Variants in KAZN observed in about 807,000 individuals in gnomAD.
KAZN encodes kazrin.
Under a neutral mutation model 87.4 loss-of-function variants are expected in KAZN, and 40 were observed. The ratio of observed to expected loss-of-function variants is 0.46; its 90% CI spans 0.36 to 0.60. KAZN has a LOEUF of 0.60. KAZN is among the 20% of genes least tolerant of loss of function. The pLI is 0.00. For missense variants in KAZN, 898 were observed against 1,073.9 expected, an observed-to-expected ratio of 0.84 and a Z score of 2.29; for synonymous variants, 466 against 458.3, an observed-to-expected ratio of 1.02 and a Z score of -0.22.
chr1:14,755,193 C>A (rs1474686), intron 1 of KAZN, among the ~76,000 whole-genome samples: 83,587 of 151,424 alleles, frequency 0.55, 24,008 homozygotes, highest in African/African-American at 0.67. Flanking sequence ...ACGGAGGTTG[C>A]AGTGAGCCAA....
In KAZN at chr1:14,039,015, C is replaced by A. The variant is rs566628948; in HGVS notation, c.92-141420C>A. On this transcript the variant is annotated intron_variant, in intron 1 of 16. Transcript: ENST00000636203. The stretch of plus-strand genomic sequence containing the variant: ...GCCATTTCTACTAAAAATACACACA[C>A]AAAAAATTAGCTGGGCATGGTGGTG... Among the ~76,000 whole-genome samples the A allele has an allele frequency of 1.8e-4, 27 of 151,882 alleles. 1 individual carries two copies. Among genetic ancestry groups the A allele is most frequent in the East Asian group, 7.8e-4 (4 of 5,158 alleles).
At position 15,077,054 on chromosome 1, in the gene KAZN, CGA is replaced by C. The variant is rs1188556051; in HGVS notation, c.1222+11303_1222+11304del. Among the ~76,000 whole-genome samples, 2 of 152,232 alleles carry C rather than the reference CGA, an allele frequency of 1.3e-5. No individual in the cohort carries two copies. Among genetic ancestry groups the C allele is most frequent in the East Asian group, 3.8e-4 (2 of 5,198 alleles). ...AAGGAAGCAGCTCTGCTCACTCCAGCGAGGCTGCTCGGAGCAATGCCAGCCTG... is the reference window on the plus strand; with the variant it reads ...AAGGAAGCAGCTCTGCTCACTCCAGCGGCTGCTCGGAGCAATGCCAGCCTG... On this transcript the variant is annotated intron_variant, in intron 8 of 14. Coordinates refer to ENST00000376030, the MANE Select transcript of KAZN (RefSeq NM_201628.3). The surrounding 1 kb of genome is among the most constrained non-coding windows in gnomAD (Gnocchi z 4.8).
In KAZN at chr1:15,071,033, T is replaced by C. The variant is rs1033400930; in HGVS notation, c.1222+5280T>C. Among the ~76,000 whole-genome samples the C allele has an allele frequency of 2.0e-5, 3 of 152,136 alleles. 1 individual carries two copies. Among genetic ancestry groups the C allele is most frequent in the South Asian group, 4.1e-4 (2 of 4,836 alleles). ...GAACCTGGTGATAATGAAGAATGAATAGGGAACATGTATCAGCTTATTCTT... is the reference window on the plus strand; with the variant it reads ...GAACCTGGTGATAATGAAGAATGAACAGGGAACATGTATCAGCTTATTCTT... On this transcript the variant is annotated intron_variant, in intron 8 of 14. Coordinates refer to ENST00000376030, the MANE Select transcript of KAZN (RefSeq NM_201628.3).
intron 1 of KAZN, among the ~76,000 whole-genome samples, chr1:14,935,659 A>G (rs571472143): frequency 2.2e-4 from 33 of 151,650 alleles, no homozygotes; most frequent in African/African-American, 7.7e-4. Flanking sequence ...TTCCACTTCT[A>G]TTTTTCCTCT....
At chr1:14,893,619 G>A (rs949637872) in intron 1 of KAZN, among the ~76,000 whole-genome samples, 1 of 152,094 alleles carries the variant, frequency 6.6e-6, no homozygotes. Context: ...GCTGGGGAAG[G>A]AGAGAATTGG....
chr1:14,939,192 G>A (rs1660783572), intron 1 of KAZN, among the ~76,000 whole-genome samples: 1 of 152,058 alleles, frequency 6.6e-6, no homozygotes, highest in Admixed American at 6.5e-5. Context: ...GGCTGGTCTT[G>A]AACACCTGAC....
chr1:14,152,409 A>G (rs1180507716), intron 1 of KAZN, among the ~76,000 whole-genome samples: 1 of 152,154 alleles, frequency 6.6e-6, no homozygotes, highest in Non-Finnish European at 1.5e-5. Context: ...TGATTTTTAG[A>G]TATTACAAAT....
chr1:14,414,269 C>A (rs1025820941), intron 2 of KAZN, among the ~76,000 whole-genome samples: 1 of 147,206 alleles, frequency 6.8e-6, no homozygotes, highest in Non-Finnish European at 1.5e-5. Flanking sequence ...TAAGAATATA[C>A]GGAAAAGACT....
At chr1:14,580,381 A>T (rs1368110659) in intron 2 of KAZN, among the ~76,000 whole-genome samples, 1 of 152,176 alleles carries the variant, frequency 6.6e-6, no homozygotes, top group African/African-American at 2.4e-5. Flanking sequence ...AGGCTGAGGC[A>T]GGAGAATTGC....
At chr1:14,759,177 C>G (rs913591264) in intron 1 of KAZN, among the ~76,000 whole-genome samples, 2 of 152,184 alleles carry the variant, frequency 1.3e-5, no homozygotes, top group African/African-American at 4.8e-5. Flanking sequence ...GCAGCCACGG[C>G]AGGAGCTCGC....
At chr1:13,930,597 C>T (rs1640473065) in intron 1 of KAZN, among the ~76,000 whole-genome samples, 2 of 152,222 alleles carry the variant, frequency 1.3e-5, no homozygotes, top group Middle Eastern at 3.4e-3. Flanking sequence ...AGACACAGAC[C>T]CAGTCCTCAT....
At chr1:14,142,448 G>A (rs540627368) in intron 1 of KAZN, among the ~76,000 whole-genome samples, 1 of 152,172 alleles carries the variant, frequency 6.6e-6, no homozygotes, top group Non-Finnish European at 1.5e-5. Context: ...CTACCTGGGC[G>A]AGCATTTTCT....
At chr1:15,092,052 G>GTTTTTTT (rs1182724737) in intron 8 of KAZN, among the ~76,000 whole-genome samples, 4 of 82,624 alleles carry the variant, frequency 4.8e-5, no homozygotes, top group African/African-American at 2.2e-4. Context: ...CAGAGGTTTT[G>GTTTTTTT]TTTTTTTGTT....
chr1:14,205,884 C>CAAAAAAAACAAAAAAA (rs1646730203), intron 2 of KAZN, among the ~76,000 whole-genome samples: 1 of 35,220 alleles, frequency 2.8e-5, no homozygotes, highest in Non-Finnish European at 4.4e-5. Flanking sequence ...GACACTGTCT[C>CAAAAAAAACAAAAAAA]AAAAAAAAAA....
intron 1 of KAZN, among the ~76,000 whole-genome samples, chr1:14,120,206 A>G (rs1226822912): frequency 6.6e-6 from 1 of 152,192 alleles, no homozygotes; most frequent in Non-Finnish European, 1.5e-5. Flanking sequence ...GGGAGGCCTC[A>G]GGAAACTTAT....
intron 1 of KAZN, among the ~76,000 whole-genome samples, chr1:14,813,960 G>A (rs564331162): frequency 1.2e-4 from 18 of 152,298 alleles, no homozygotes; most frequent in South Asian, 4.1e-4. Context: ...GTTCTGTCCC[G>A]CTGGGATGAG....
chr1:14,173,672 C>T (rs1890588), intron 1 of KAZN, among the ~76,000 whole-genome samples: 4 of 148,174 alleles, frequency 2.7e-5, no homozygotes, highest in African/African-American at 5.0e-5. Flanking sequence ...CGCCCCGCCC[C>T]GCCCAACTTG....
intron 2 of KAZN, among the ~76,000 whole-genome samples, chr1:14,200,058 T>C (rs1646607292): frequency 6.6e-6 from 1 of 152,078 alleles, no homozygotes; most frequent in African/African-American, 2.4e-5. Context: ...TGTTTAACTT[T>C]TCTTTGATGC....
intron 1 of KAZN, among the ~76,000 whole-genome samples, chr1:14,154,790 T>C (rs1298206752): frequency 6.6e-6 from 1 of 152,238 alleles, no homozygotes; most frequent in Admixed American, 6.5e-5. Flanking sequence ...ACATTATGCA[T>C]CATATTGATT....
Sources: gnomAD v4.1 joint callset for allele counts (sites outside exome capture counted in the v4.1 genomes callset) on GRCh38, gnomAD v4.1.1 for gene constraint, Gnocchi (gnomAD v3.1) non-coding constraint, MANE v1.5 for transcripts, NCBI Gene and HGNC (gene_info 2026-07-23, HGNC 2026-07-21) for gene names.